CACNA1E: variants seen among roughly 807,000 people sequenced by gnomAD.
The protein encoded by CACNA1E is calcium voltage-gated channel subunit alpha1 E.
In CACNA1E, 40 loss-of-function variants were observed where a neutral mutation model predicts 259.2. That is an observed-to-expected ratio of 0.15 (90% confidence interval 0.12 to 0.20). The LOEUF (loss-of-function observed/expected upper bound fraction) is 0.20, where lower values mean the gene tolerates loss of function less well. Ranked by LOEUF, CACNA1E falls within the 10% of genes least tolerant of loss-of-function variation. The probability of loss-of-function intolerance (pLI) is 1.00; values close to 1 mark genes in which losing one functional copy is unlikely to be tolerated. For synonymous variants in CACNA1E, 1,104 were observed against 1,138.5 expected, an observed-to-expected ratio of 0.97 and a Z score of 0.61; for missense variants, 1,874 against 3,040.1, an observed-to-expected ratio of 0.62 and a Z score of 9.02.
rs552609994 is a variant in CACNA1E, at chr1:181,446,123, C to A, written c.434+32543C>A. On this transcript the variant is annotated intron_variant, in intron 2 of 11. Transcript: ENST00000524607. ...CACTAGCAGGGCTGACCTCAGATGT[C>A]TGGGGCAGTCTTAGGTACCTTACCA... Among the ~76,000 whole-genome samples, 69 of 152,300 alleles carry A rather than the reference C, an allele frequency of 4.5e-4. 1 individual carries two copies. In the South Asian group the frequency reaches 0.013, roughly 29 times the overall value.
At chr1:181,680,171 G>A (rs546906748) in intron 7 of CACNA1E, among the ~76,000 whole-genome samples, 61 of 148,878 alleles carry the variant, frequency 4.1e-4, no homozygotes, top group African/African-American at 1.5e-3. Flanking sequence ...GAGAGCAAGA[G>A]TCAAGACCCA....
intron 1 of CACNA1E, among the ~76,000 whole-genome samples, chr1:181,358,845 C>T (rs1278038195): frequency 6.6e-6 from 1 of 152,204 alleles, no homozygotes; most frequent in Non-Finnish European, 1.5e-5. Flanking sequence ...AAATACCAGT[C>T]TAATGCATAT....
intron 3 of CACNA1E, among the ~76,000 whole-genome samples, chr1:181,555,969 A>C (rs1468586521): frequency 6.6e-6 from 1 of 152,202 alleles, no homozygotes; most frequent in Non-Finnish European, 1.5e-5. Context: ...AAGGCATGAA[A>C]TGTTCTGAGA....
At chr1:181,334,939 C>A (rs1240517201) in intron 1 of CACNA1E, among the ~76,000 whole-genome samples, 1 of 152,208 alleles carries the variant, frequency 6.6e-6, no homozygotes, top group Non-Finnish European at 1.5e-5. Context: ...TCTCCCTGGA[C>A]TGTCCACAGC....
intron 7 of CACNA1E, among the ~76,000 whole-genome samples, chr1:181,687,992 T>C (rs1650756887): frequency 6.6e-6 from 1 of 152,186 alleles, no homozygotes; most frequent in Admixed American, 6.5e-5. Flanking sequence ...TTATGGTTCA[T>C]TGACTTCCAA....
intron 44 of CACNA1E, 132 bp downstream of exon 44, chr1:181,790,688 C>T (rs894002791): frequency 2.7e-5 from 18 of 655,346 alleles, no homozygotes; most frequent in Non-Finnish European, 3.9e-5. Context: ...CTGGAGGTGT[C>T]CTGCCTTAGC....
intron 7 of CACNA1E, among the ~76,000 whole-genome samples, chr1:181,690,653 G>A (rs1454343711): frequency 6.6e-6 from 1 of 152,156 alleles, no homozygotes; most frequent in Non-Finnish European, 1.5e-5. Flanking sequence ...TTATTTCCTT[G>A]AGCAGTGGTT....
rs986718761 is a variant in CACNA1E, at chr1:181,763,557, T to C, written c.4815+26T>C. The stretch of plus-strand genomic sequence containing the variant: ...GTAAGAGGTACCAGCAAATCCTCTC[T>C]GAGGGTTGTCATATCAGACAGTACA... On this transcript the variant is annotated intron_variant, in intron 34 of 47. Transcript: ENST00000367573. The C allele has an allele frequency of 5.2e-6, 8 of 1,535,468 alleles. No individual in the cohort carries two copies. In the African/African-American group the frequency reaches 5.5e-5, roughly 10 times the overall value.
intron 6 of CACNA1E, among the ~76,000 whole-genome samples, chr1:181,602,936 G>T (rs1653877297): frequency 6.6e-6 from 1 of 152,128 alleles, no homozygotes. Context: ...TCTTGCTGGG[G>T]GATAGGTGGG....
chr1:181,704,853 A>C (rs369421992), intron 7 of CACNA1E, among the ~76,000 whole-genome samples: 7 of 152,134 alleles, frequency 4.6e-5, no homozygotes, highest in African/African-American at 1.7e-4. Context: ...CAGTCCTCCA[A>C]CCGAGGCTTT....
chr1:181,553,938 A>G (rs1648453959), intron 3 of CACNA1E, among the ~76,000 whole-genome samples: 1 of 152,196 alleles, frequency 6.6e-6, no homozygotes, highest in Non-Finnish European at 1.5e-5. Context: ...TACTAATAAG[A>G]AAGCAGAGCC....
chr1:181,546,486 G>A (rs1019105453), intron 3 of CACNA1E, among the ~76,000 whole-genome samples: 3 of 152,078 alleles, frequency 2.0e-5, no homozygotes, highest in Admixed American at 2.0e-4. Context: ...AGTCCCTGCT[G>A]GGGCCCTGCC....
chr1:181,610,147 G>A (rs1441411160), intron 6 of CACNA1E, among the ~76,000 whole-genome samples: 1 of 152,148 alleles, frequency 6.6e-6, no homozygotes, highest in East Asian at 1.9e-4. Flanking sequence ...TCCCTATGTT[G>A]TACAAGAGAA....
intron 1 of CACNA1E, among the ~76,000 whole-genome samples, chr1:181,400,486 C>T (rs1657018439): frequency 6.6e-6 from 1 of 152,076 alleles, no homozygotes; most frequent in Non-Finnish European, 1.5e-5. Flanking sequence ...GGCATTGACA[C>T]CTCTCCCCCA....
chr1:181,705,518 A>G (rs1417801400), intron 7 of CACNA1E, among the ~76,000 whole-genome samples: 6 of 152,194 alleles, frequency 3.9e-5, no homozygotes, highest in African/African-American at 1.2e-4. Context: ...CAAACCTTGC[A>G]TACATATGTA....
intron 7 of CACNA1E, among the ~76,000 whole-genome samples, chr1:181,694,093 G>A (rs1431203922): frequency 1.3e-5 from 2 of 152,162 alleles, no homozygotes; most frequent in African/African-American, 4.8e-5. Flanking sequence ...TGTCCATTGT[G>A]AATGTAAATG....
chr1:181,492,786 G>A lies in CACNA1E; in HGVS notation c.266+8776G>A, dbSNP rs116794000. ...CTGAGTTATCCAACTTTTATGCCTT[G>A]GGCTTATTTTCCTGCTCTTTTTTAC... is the stretch of plus-strand genomic sequence containing the variant. On this transcript the variant is annotated intron_variant, in intron 1 of 47. Coordinates refer to ENST00000367573, the MANE Select transcript of CACNA1E (RefSeq NM_001205293.3). Among the ~76,000 whole-genome samples, 153 of 152,152 alleles carry A rather than the reference G, an allele frequency of 1.0e-3. 1 individual carries two copies. The highest frequency in any genetic ancestry group is 1.9e-3 in the Non-Finnish European group (127 of 67,998).
Position 181,580,583 on chromosome 1 carries a change from A to T in CACNA1E, c.770-12A>T, listed in dbSNP as rs562006893. On this transcript the variant is annotated splice_polypyrimidine_tract_variant and intron_variant, in intron 5 of 47. Transcript: ENST00000367573. Reference sequence around the variant, plus strand: ...ATGTGATTTATCTCCTACCCTCCAAATGTGTCTGCAGGTATTCTAGAAGGA... The same window carrying T: ...ATGTGATTTATCTCCTACCCTCCAATTGTGTCTGCAGGTATTCTAGAAGGA... 4 of 1,613,190 alleles carry T rather than the reference A, an allele frequency of 2.5e-6. No homozygotes were observed. Among genetic ancestry groups the T allele is most frequent in the African/African-American group, 2.7e-5 (2 of 75,004 alleles).
intron 4 of CACNA1E, 62 bp from the exon 5 acceptor site, chr1:181,579,010 C>G: frequency 2.2e-6 from 3 of 1,366,220 alleles, no homozygotes; most frequent in Non-Finnish European, 3.0e-6. Context: ...TGAAACTAAT[C>G]CTCCCCTATC....
Sources: gnomAD v4.1 joint callset for allele counts (sites outside exome capture counted in the v4.1 genomes callset) on GRCh38, gnomAD v4.1.1 for gene constraint, MANE v1.5 for transcripts, NCBI Gene and HGNC (gene_info 2026-07-23, HGNC 2026-07-21) for gene names.